The following DMD variants were observed in gnomAD, a reference collection of about 807,000 sequenced individuals.
DMD encodes mutant dystrophin.
In DMD, 63 loss-of-function variants were observed where a neutral mutation model predicts 330.1. The observed-to-expected ratio is 0.19, with a 90% CI of 0.16 to 0.24. The LOEUF (loss-of-function observed/expected upper bound fraction) is 0.24, where lower values mean the gene tolerates loss of function less well. DMD is among the 10% of genes least tolerant of loss of function. The probability of loss-of-function intolerance (pLI) is 1.00; values close to 1 mark genes in which losing one functional copy is unlikely to be tolerated. For missense variants in DMD, 3,344 were observed against 2,684.1 expected, an observed-to-expected ratio of 1.25 and a Z score of -5.43; for synonymous variants, 1,223 against 959.8, an observed-to-expected ratio of 1.27 and a Z score of -5.07.
intron 7 of DMD, among the ~76,000 whole-genome samples, chrX:32,719,677 T>G (rs1033376471): frequency 2.7e-5 from 3 of 111,848 alleles, no homozygotes; most frequent in African/African-American, 9.7e-5. Flanking sequence ...GTAGACTTAC[T>G]TTTGTGTTCT....
chrX:32,524,082 G>C (rs1343796056), intron 17 of DMD, among the ~76,000 whole-genome samples: 1 of 108,866 alleles, frequency 9.2e-6, no homozygotes, highest in African/African-American at 3.4e-5. Context: ...ACAGGCGCCC[G>C]CCACCACGCC....
At chrX:31,304,117 C>T (rs773481807) in intron 62 of DMD, among the ~76,000 whole-genome samples, 2 of 111,929 alleles carry the variant, frequency 1.8e-5, no homozygotes, top group African/African-American at 6.5e-5. Flanking sequence ...AAAGCAGTAA[C>T]AAGTAGCAGT....
At chrX:31,510,313 C>A (rs2071361259) in intron 55 of DMD, among the ~76,000 whole-genome samples, 1 of 110,845 alleles carries the variant, frequency 9.0e-6, no homozygotes, top group African/African-American at 3.3e-5. Flanking sequence ...GGGCTGCCTC[C>A]ACCAACCCAC....
At chrX:32,777,277 T>TGGGGGGGGG (rs546914107) in intron 7 of DMD, among the ~76,000 whole-genome samples, 17 of 2,107 alleles carry the variant, frequency 8.1e-3, no homozygotes, top group Non-Finnish European at 0.011. Context: ...GGTTTCTGGT[T>TGGGGGGGGG]GGGGGGGGAA....
chrX:31,291,396 A>G (rs1000053097), intron 62 of DMD, among the ~76,000 whole-genome samples: 16 of 111,995 alleles, frequency 1.4e-4, no homozygotes, highest in African/African-American at 5.2e-4. Flanking sequence ...CCACCATTCT[A>G]TAACGGCACA....
intron 1 of DMD, among the ~76,000 whole-genome samples, chrX:33,309,846 A>G (rs62594424): frequency 0.03 from 3,285 of 110,909 alleles, 58 homozygotes; most frequent in Middle Eastern, 0.061. Flanking sequence ...ATGTAGAAGT[A>G]CTATATATAG....
At chrX:32,952,964 G>A (rs2091337988) in intron 2 of DMD, among the ~76,000 whole-genome samples, 2 of 109,079 alleles carry the variant, frequency 1.8e-5, no homozygotes, top group African/African-American at 6.7e-5. Flanking sequence ...GTGAAGCCCC[G>A]TCTCTACTAA....
chrX:31,508,725 TA>T (rs997467502), intron 55 of DMD, among the ~76,000 whole-genome samples: 3 of 111,706 alleles, frequency 2.7e-5, no homozygotes, highest in Non-Finnish European at 5.6e-5. Context: ...TCAACAAGTT[TA>T]AAAATTCATT....
chrX:32,952,335 C>T (rs1364193781), intron 2 of DMD, among the ~76,000 whole-genome samples: 2 of 110,222 alleles, frequency 1.8e-5, no homozygotes, highest in Non-Finnish European at 3.8e-5. Flanking sequence ...GATTTCACCG[C>T]GTTGGTCAGG....
At chrX:31,467,242 C>T (rs1036185578) in intron 59 of DMD, among the ~76,000 whole-genome samples, 6 of 111,134 alleles carry the variant, frequency 5.4e-5, no homozygotes, top group Non-Finnish European at 7.5e-5. Context: ...TGTCTTGTGC[C>T]GGTTTTTAAA....
intron 30 of DMD, among the ~76,000 whole-genome samples, chrX:32,399,657 T>C (rs989737734): frequency 9.0e-6 from 1 of 111,201 alleles, no homozygotes; most frequent in Non-Finnish European, 1.9e-5. Context: ...ACAACCACTA[T>C]GGAAAACAAG....
chrX:33,306,869 G>C (rs936712454), intron 1 of DMD, among the ~76,000 whole-genome samples: 16 of 111,446 alleles, frequency 1.4e-4, no homozygotes, highest in African/African-American at 5.2e-4. Context: ...CTCTCAAATA[G>C]TTGGTGACTT....
At chrX:32,894,978 A>C (rs2085569498) in intron 2 of DMD, among the ~76,000 whole-genome samples, 1 of 112,030 alleles carries the variant, frequency 8.9e-6, no homozygotes, top group Non-Finnish European at 1.9e-5. Context: ...TTTAAGTCCG[A>C]GGTCAGTGTT....
chrX:33,288,343 T>C (rs901433277), intron 1 of DMD, among the ~76,000 whole-genome samples: 2 of 111,695 alleles, frequency 1.8e-5, no homozygotes, highest in Non-Finnish European at 3.8e-5. Flanking sequence ...ATTTATGTGG[T>C]CATCCAGTTT....
chrX:32,361,947 A>G (rs745944346), intron 37 of DMD, among the ~76,000 whole-genome samples: 1 of 111,475 alleles, frequency 9.0e-6, no homozygotes, highest in Non-Finnish European at 1.9e-5. Context: ...TACAGTATAT[A>G]AATTTCTAGG....
At chrX:31,693,975 A>G (rs1049205142) in intron 52 of DMD, among the ~76,000 whole-genome samples, 2 of 111,955 alleles carry the variant, frequency 1.8e-5, no homozygotes, top group African/African-American at 6.5e-5. Context: ...TACTAAAAAG[A>G]ATAAAATTGG....
chrX:33,232,287 G>C (rs550131439), intron 1 of DMD, among the ~76,000 whole-genome samples: 18 of 111,659 alleles, frequency 1.6e-4, no homozygotes, highest in Middle Eastern at 4.6e-3. Flanking sequence ...AAAAATGAAA[G>C]TAAAACAAAA....
intron 11 of DMD, among the ~76,000 whole-genome samples, chrX:32,616,094 T>C (rs1423635721): frequency 9.0e-6 from 1 of 110,896 alleles, no homozygotes; most frequent in Non-Finnish European, 1.9e-5. Context: ...ATAATTAAAC[T>C]GGGGTTTTTG....
At chrX:31,635,278 T>TA (rs1217354932) in intron 54 of DMD, among the ~76,000 whole-genome samples, 2 of 112,129 alleles carry the variant, frequency 1.8e-5, no homozygotes, top group African/African-American at 6.5e-5. Flanking sequence ...CTTGCAGTGA[T>TA]AAACTCTTTA....
Sources: allele counts gnomAD v4.1 joint callset (sites outside exome capture counted in the v4.1 genomes callset), GRCh38; gene constraint gnomAD v4.1.1; transcripts MANE v1.5; gene names NCBI Gene and HGNC (gene_info 2026-07-23, HGNC 2026-07-21).